The following MICU1 variants were observed in gnomAD, a reference collection of about 807,000 sequenced individuals.
The protein encoded by MICU1 is calcium uptake protein 1, mitochondrial.
In MICU1, 45 loss-of-function variants were observed where a neutral mutation model predicts 56.8. That is an observed-to-expected ratio of 0.79 (90% CI 0.62 to 1.02). The LOEUF (loss-of-function observed/expected upper bound fraction) is 1.02, where lower values mean the gene tolerates loss of function less well. Among genes scored for constraint, MICU1 ranks in the 50% least tolerant of loss-of-function variants. The pLI, the probability that MICU1 is intolerant of heterozygous loss-of-function variation, is 0.00. For missense variants in MICU1, 504 were observed against 587.1 expected, an observed-to-expected ratio of 0.86 and a Z score of 1.46; for synonymous variants, 186 against 195.1, an observed-to-expected ratio of 0.95 and a Z score of 0.39.
At chr10:72,444,170 A>T (rs1191953638) in intron 8 of MICU1, among the ~76,000 whole-genome samples, 2 of 151,660 alleles carry the variant, frequency 1.3e-5, no homozygotes, top group Non-Finnish European at 1.5e-5. Context: ...GGAATTGAAC[A>T]ATGAGAACAC....
intron 3 of MICU1, among the ~76,000 whole-genome samples, chr10:72,562,289 G>A (rs1840319470): frequency 6.6e-6 from 1 of 151,534 alleles, no homozygotes; most frequent in African/African-American, 2.4e-5. Context: ...GAGTAGCTGG[G>A]ACTACAGGTG....
chr10:72,623,862 C>G (rs1842169015), intron 1 of MICU1, among the ~76,000 whole-genome samples: 1 of 151,078 alleles, frequency 6.6e-6, no homozygotes, highest in Non-Finnish European at 1.5e-5. Flanking sequence ...AAGGACCAGC[C>G]TCGGCAAAAT....
intron 9 of MICU1, among the ~76,000 whole-genome samples, chr10:72,417,060 T>C (rs952092569): frequency 6.6e-6 from 1 of 152,228 alleles, no homozygotes; most frequent in Non-Finnish European, 1.5e-5. Context: ...TGGCACATAG[T>C]GGCTGATCGA....
chr10:72,522,351 T>C (rs1867848848), intron 5 of MICU1, among the ~76,000 whole-genome samples: 2 of 152,174 alleles, frequency 1.3e-5, no homozygotes, highest in Admixed American at 6.6e-5. Context: ...GTCATGTTTA[T>C]GTTTTCAAAT....
At chr10:72,564,367 A>G (rs981206237) in intron 2 of MICU1, among the ~76,000 whole-genome samples, 2 of 151,648 alleles carry the variant, frequency 1.3e-5, no homozygotes, top group Non-Finnish European at 2.9e-5. Context: ...ATGGCAAAAA[A>G]CCATCTCTAC....
In MICU1 at chr10:72,566,799, G is replaced by A; in HGVS notation, c.-1-5C>T. On this transcript the variant is annotated splice_region_variant and splice_polypyrimidine_tract_variant and intron_variant, in intron 1 of 11. Transcript: ENST00000361114. ...AGTGAGTTCAGACGAAACATCCTGT[G>A]GACAATAAGTAGAAATGTCACTCTT... 1 of 1,604,560 alleles carries A rather than the reference G, an allele frequency of 6.2e-7. No individual in the cohort carries two copies. The highest frequency in any genetic ancestry group is 1.1e-5 in the South Asian group (1 of 89,514).
chr10:72,376,097 C>T (rs781543650), intron 10 of MICU1, among the ~76,000 whole-genome samples: 14 of 151,908 alleles, frequency 9.2e-5, no homozygotes, highest in Non-Finnish European at 1.9e-4. Flanking sequence ...TCAAGACCAG[C>T]CTGGCCAAGA....
intron 1 of MICU1, among the ~76,000 whole-genome samples, chr10:72,569,237 A>ATATATATATTTTTTTTTT: frequency 1.2e-4 from 4 of 34,380 alleles, no homozygotes; most frequent in Non-Finnish European, 2.0e-4. Context: ...ATATATATAT[A>ATATATATATTTTTTTTTT]TTTTTTTTTT....
At chr10:72,586,827 C>A (rs1841075840) in intron 1 of MICU1, among the ~76,000 whole-genome samples, 1 of 152,162 alleles carries the variant, frequency 6.6e-6, no homozygotes, top group Admixed American at 6.5e-5. Flanking sequence ...TTAAAGACAA[C>A]AGGTGTAGTT....
At chr10:72,475,708 A>C (rs144631041) in intron 7 of MICU1, among the ~76,000 whole-genome samples, 6,836 of 152,102 alleles carry the variant, frequency 0.045, 508 homozygotes, top group African/African-American at 0.16. Context: ...GGATTGCAGG[A>C]GTGAGCCACC....
chr10:72,409,030 C>T (rs574477854), intron 9 of MICU1, among the ~76,000 whole-genome samples: 1 of 152,124 alleles, frequency 6.6e-6, no homozygotes, highest in South Asian at 2.1e-4. Context: ...GAAATAGGGG[C>T]TACTGGGAAT....
At chr10:72,595,447 CA>C (rs1255926638) in intron 1 of MICU1, among the ~76,000 whole-genome samples, 876 of 41,158 alleles carry the variant, frequency 0.021, 3 homozygotes, top group African/African-American at 0.064. Context: ...GACTCTGTCT[CA>C]AAAAAAAAAA....
chr10:72,475,013 G>A (rs1866068586), intron 8 of MICU1, 87 bp downstream of exon 8: 6 of 1,145,714 alleles, frequency 5.2e-6, no homozygotes, highest in Non-Finnish European at 6.2e-6. Context: ...CACAGCTGGA[G>A]GTAAATGGAA....
At chr10:72,517,728 C>A (rs572231048) in intron 5 of MICU1, among the ~76,000 whole-genome samples, 14 of 151,430 alleles carry the variant, frequency 9.2e-5, no homozygotes, top group Non-Finnish European at 1.8e-4. Context: ...CACTAAAGAA[C>A]TTACTCATGG....
At chr10:72,588,800 G>GACA (rs1841140003) in intron 1 of MICU1, among the ~76,000 whole-genome samples, 1 of 152,128 alleles carries the variant, frequency 6.6e-6, no homozygotes, top group Non-Finnish European at 1.5e-5. Flanking sequence ...TCTCCACCCA[G>GACA]TTATGACAAC....
intron 1 of MICU1, among the ~76,000 whole-genome samples, chr10:72,570,958 T>C (rs1840595462): frequency 6.6e-6 from 1 of 152,034 alleles, no homozygotes; most frequent in Non-Finnish European, 1.5e-5. Context: ...ACAGCAAAAA[T>C]GAGCACTAAA....
rs80034037 is a variant in MICU1 at position 72,368,551 on chromosome 10, T to C, written c.1271-196A>G. ...ACTGCAACTCAGTGACAGTTCAGTG[T>C]AGTGTGACAAAAGTTGAATGAAAAT... On this transcript the variant is annotated intron_variant, in intron 11 of 11. Transcript: ENST00000361114. Among the ~76,000 whole-genome samples the C allele has an allele frequency of 5.4e-4, 82 of 152,322 alleles. No homozygotes were observed. The East Asian group carries it at 6.6e-3, about 12-fold the overall frequency.
At chr10:72,500,555 C>T (rs1011426859) in intron 6 of MICU1, among the ~76,000 whole-genome samples, 1 of 151,644 alleles carries the variant, frequency 6.6e-6, no homozygotes, top group African/African-American at 2.4e-5. Flanking sequence ...CTCCTGACCT[C>T]GAATGATCTT....
rs577123169 is a variant in MICU1, at chr10:72,614,140, TC to T, written c.-2+11869del. Among the ~76,000 whole-genome samples the T allele has an allele frequency of 4.4e-3, 660 of 151,652 alleles. 4 individuals carry two copies. The highest frequency in any genetic ancestry group is 0.015 in the African/African-American group (626 of 41,316). ...CCTGGGCAACAAGAACAAAACTCCA[TC>T]CCCAAAAATAAAACAAAAACACATA... On this transcript the variant is annotated intron_variant, in intron 1 of 11. Transcript: ENST00000361114.
Sources: allele counts gnomAD v4.1 joint callset (sites outside exome capture counted in the v4.1 genomes callset), GRCh38; gene constraint gnomAD v4.1.1; transcripts MANE v1.5; gene names NCBI Gene and HGNC (gene_info 2026-07-23, HGNC 2026-07-21).